The following DPP10 variants were observed in gnomAD, a reference collection of about 807,000 sequenced individuals.
DPP10 encodes the protein dipeptidyl peptidase like 10.
In DPP10, 33 loss-of-function variants were observed where a neutral mutation model predicts 120.9. The ratio of observed to expected loss-of-function variants is 0.27; its 90% confidence interval spans 0.21 to 0.37. The LOEUF is 0.37. DPP10 is among the 10% of genes least tolerant of loss of function. The pLI, the probability that DPP10 is intolerant of heterozygous loss-of-function variation, is 1.00. For synonymous variants in DPP10, 337 were observed against 326.1 expected (o/e 1.03, Z -0.36); for missense variants, 816 against 942.8 (o/e 0.87, Z 1.76).
At chr2:115,436,926 T>C (rs745853757) in intron 3 of DPP10, among the ~76,000 whole-genome samples, 1 of 151,896 alleles carries the variant, frequency 6.6e-6, no homozygotes, top group African/African-American at 2.4e-5. Flanking sequence ...AATAGTAAAT[T>C]CAAAATTGTG....
chr2:115,278,914 T>A (rs1237345593), intron 1 of DPP10, among the ~76,000 whole-genome samples: 2 of 152,160 alleles, frequency 1.3e-5, no homozygotes, highest in Non-Finnish European at 2.9e-5. Flanking sequence ...ATATAATAGT[T>A]CAAGCATAAA....
chr2:115,283,660 A>G (rs2060249142), intron 1 of DPP10, among the ~76,000 whole-genome samples: 1 of 152,148 alleles, frequency 6.6e-6, no homozygotes, highest in East Asian at 1.9e-4. Context: ...AGGTCAAATA[A>G]CGAACATTAT....
chr2:115,124,519 T>A (rs2049978919), intron 1 of DPP10, among the ~76,000 whole-genome samples: 3 of 152,304 alleles, frequency 2.0e-5, no homozygotes, highest in Middle Eastern at 6.8e-3. Flanking sequence ...CCCAGTTATC[T>A]TCCCTTCACT....
At chr2:114,964,049 C>G (rs904886852) in intron 1 of DPP10, among the ~76,000 whole-genome samples, 9 of 152,114 alleles carry the variant, frequency 5.9e-5, no homozygotes, top group Admixed American at 3.3e-4. Flanking sequence ...ACCCATAGAC[C>G]TTTCACTAAG....
chr2:114,524,990 G>A (rs556077171), intron 1 of DPP10, among the ~76,000 whole-genome samples: 152 of 152,210 alleles, frequency 1.0e-3, no homozygotes, highest in Non-Finnish European at 1.6e-3. Flanking sequence ...TCTGAGGAAC[G>A]TAGAATTCAG....
At chr2:114,688,268 C>T (rs868007418) in intron 1 of DPP10, among the ~76,000 whole-genome samples, 7 of 151,938 alleles carry the variant, frequency 4.6e-5, no homozygotes, top group Non-Finnish European at 1.0e-4. Context: ...CAAACCTGCA[C>T]TTGTATCTCC....
At chr2:115,202,405 A>G (rs1374914814) in intron 1 of DPP10, among the ~76,000 whole-genome samples, 1 of 152,212 alleles carries the variant, frequency 6.6e-6, no homozygotes, top group Non-Finnish European at 1.5e-5. Context: ...CATATTTTCA[A>G]TTTGCTGATT....
At chr2:115,472,738 G>T (rs1517368) in intron 3 of DPP10, among the ~76,000 whole-genome samples, 3,683 of 152,276 alleles carry the variant, frequency 0.024, 150 homozygotes, top group African/African-American at 0.083. Context: ...ATATAGACTA[G>T]TTAGTGCCTA....
At chr2:114,673,902 C>G (rs35171855) in intron 1 of DPP10, among the ~76,000 whole-genome samples, 4,409 of 152,098 alleles carry the variant, frequency 0.029, 93 homozygotes, top group Non-Finnish European at 0.045. Context: ...CTTATGGATA[C>G]TCGAACCTGA....
At chr2:114,462,195 A>G (rs1017675413) in intron 1 of DPP10, 3 of 980,132 alleles carry the variant, frequency 3.1e-6, no homozygotes, top group Non-Finnish European at 3.6e-6. Flanking sequence ...TTTGATATTT[A>G]CCGACAAGTT....
chr2:114,743,950 C>T (rs531089371), intron 1 of DPP10, among the ~76,000 whole-genome samples: 20 of 151,530 alleles, frequency 1.3e-4, no homozygotes, highest in Admixed American at 1.3e-3. Flanking sequence ...ATTACAAGAT[C>T]GAAGGTTATA....
chr2:114,507,317 G>T (rs1219816744), intron 1 of DPP10, among the ~76,000 whole-genome samples: 1 of 152,074 alleles, frequency 6.6e-6, no homozygotes, highest in Non-Finnish European at 1.5e-5. Context: ...CTAAAGTGCT[G>T]GCATTACACG....
chr2:114,446,022 A>T (rs10173071), intron 1 of DPP10, among the ~76,000 whole-genome samples: 75,939 of 151,684 alleles, frequency 0.5, 19,194 homozygotes, highest in Middle Eastern at 0.68. Flanking sequence ...ACATTCTTTT[A>T]AAAAAAATCT....
At chr2:115,363,625 C>T (rs556121174) in intron 3 of DPP10, among the ~76,000 whole-genome samples, 1 of 152,320 alleles carries the variant, frequency 6.6e-6, no homozygotes, top group South Asian at 2.1e-4. Flanking sequence ...GAGGATAATT[C>T]CTCTTATGCC....
chr2:115,657,126 A>G (rs1233261544), intron 5 of DPP10, among the ~76,000 whole-genome samples: 3 of 151,690 alleles, frequency 2.0e-5, no homozygotes, highest in Non-Finnish European at 4.4e-5. Context: ...AATAATAATT[A>G]TGTATAAGGA....
intron 1 of DPP10, among the ~76,000 whole-genome samples, chr2:114,695,201 T>C (rs142345371): frequency 2.0e-5 from 3 of 152,130 alleles, no homozygotes; most frequent in East Asian, 3.9e-4. Context: ...TCATTATTAA[T>C]AGTGGTATTG....
intron 1 of DPP10, among the ~76,000 whole-genome samples, chr2:115,050,771 G>A (rs6710576): frequency 0.97 from 147,374 of 152,270 alleles, 71,522 homozygotes; most frequent in Middle Eastern, 1. Context: ...GTGAATGCTA[G>A]GGCAGGGATG....
intron 1 of DPP10, among the ~76,000 whole-genome samples, chr2:114,851,098 T>A (rs1278973882): frequency 6.6e-6 from 1 of 152,168 alleles, no homozygotes; most frequent in Non-Finnish European, 1.5e-5. Flanking sequence ...CTCATTTTTT[T>A]ATTATAGACA....
intron 1 of DPP10, among the ~76,000 whole-genome samples, chr2:115,024,161 A>T (rs572908846): frequency 5.9e-5 from 9 of 152,148 alleles, no homozygotes; most frequent in Admixed American, 1.3e-4. Flanking sequence ...TATTAAAAAA[A>T]TTTTTTTTAG....
Sources: allele counts gnomAD v4.1 joint callset (sites outside exome capture counted in the v4.1 genomes callset), GRCh38; gene constraint gnomAD v4.1.1; transcripts MANE v1.5; gene names NCBI Gene and HGNC (gene_info 2026-07-23, HGNC 2026-07-21).